PLEKHG1: variants seen among roughly 807,000 people sequenced by gnomAD.
The protein encoded by PLEKHG1 is pleckstrin homology domain-containing family G member 1.
A neutral mutation model predicts 100.8 loss-of-function variants in PLEKHG1; 44 were observed. The observed-to-expected ratio is 0.44, with a 90% CI of 0.34 to 0.56. The LOEUF is 0.56. Among genes scored for constraint, PLEKHG1 ranks in the 20% least tolerant of loss-of-function variants. The pLI is 0.01. For missense variants in PLEKHG1, 1,545 were observed against 1,720.9 expected, an observed-to-expected ratio of 0.90 and a Z score of 1.81; for synonymous variants, 640 against 662.5, an observed-to-expected ratio of 0.97 and a Z score of 0.52.
intron 2 of PLEKHG1, among the ~76,000 whole-genome samples, chr6:150,745,069 G>A (rs1476247474): frequency 6.6e-6 from 1 of 152,196 alleles, no homozygotes; most frequent in Admixed American, 6.5e-5. Flanking sequence ...AATGTGTTCT[G>A]AGAAATGTCA....
intron 1 of PLEKHG1, chr6:150,605,832 T>C (rs533455365): frequency 6.6e-6 from 1 of 152,354 alleles, no homozygotes; most frequent in African/African-American, 2.4e-5. Flanking sequence ...CTACTGTCAA[T>C]AAAATTGGCA....
intron 5 of PLEKHG1, among the ~76,000 whole-genome samples, chr6:150,800,400 G>C (rs776924236): frequency 7.2e-5 from 11 of 152,218 alleles, no homozygotes; most frequent in Non-Finnish European, 1.5e-4. Flanking sequence ...ATTGGGCGCA[G>C]CTAGGGGCTA....
chr6:150,839,873 T>A (rs1466542983), exon 16 of PLEKHG1: 6 of 1,613,698 alleles, frequency 3.7e-6, no homozygotes, highest in Non-Finnish European at 5.1e-6. Context: ...ATGACCAGAT[T>A]GTATTCAGAG....
chr6:150,766,687 A>G (rs1179205385), intron 2 of PLEKHG1, among the ~76,000 whole-genome samples: 2 of 152,240 alleles, frequency 1.3e-5, no homozygotes, highest in African/African-American at 4.8e-5. Flanking sequence ...TGAGCTGGCG[A>G]TGGGCCATCA....
At chr6:150,793,077 G>T (rs879430042) in intron 4 of PLEKHG1, among the ~76,000 whole-genome samples, 18 of 152,292 alleles carry the variant, frequency 1.2e-4, no homozygotes, top group Admixed American at 8.5e-4. Flanking sequence ...TTTGCATGAC[G>T]CTGGAGAACC....
At position 150,804,483 on chromosome 6, in the gene PLEKHG1, C is replaced by T; in HGVS notation, c.781-127C>T. ...TACAGGCATGAGCCACCGCACCCAG[C>T]TGATAGTGTGTAAATAAATAAGCAA... On this transcript the variant is annotated intron_variant, in intron 6 of 15. Transcript: ENST00000358517. 4.0e-6 allele frequency: 3 copies of T among 753,702 alleles called. No homozygotes were observed. The East Asian group carries it at 9.7e-5, about 24-fold the overall frequency. 46.7% of individuals were successfully genotyped at this position (753,702 alleles called of 1,614,324 possible).
intron 2 of PLEKHG1, among the ~76,000 whole-genome samples, chr6:150,754,583 G>A (rs1562489282): frequency 6.6e-6 from 1 of 152,012 alleles, no homozygotes. Flanking sequence ...ATAGGTGGGA[G>A]AGGAGAGGCG....
At chr6:150,753,279 T>C (rs1267197830) in intron 2 of PLEKHG1, among the ~76,000 whole-genome samples, 1 of 152,136 alleles carries the variant, frequency 6.6e-6, no homozygotes, top group Non-Finnish European at 1.5e-5. Context: ...GAATCACCCC[T>C]GAAGGACATT....
intron 3 of PLEKHG1, chr6:150,663,126 A>T (rs1019510939): frequency 1.3e-5 from 2 of 152,170 alleles, no homozygotes; most frequent in African/African-American, 4.8e-5. Context: ...AAGATAGCCA[A>T]GAAAGCTTTT....
At chr6:150,804,536 C>A (rs75044699) in intron 6 of PLEKHG1, 74 bp from the exon 8 acceptor site, 7 of 1,184,220 alleles carry the variant, frequency 5.9e-6, no homozygotes, top group Non-Finnish European at 8.4e-6. Flanking sequence ...CTAATCATAG[C>A]GGTGCCATTT....
upstream of PLEKHG1, chr6:150,721,057 T>G: frequency 1.5e-6 from 1 of 684,596 alleles, no homozygotes; most frequent in Non-Finnish European, 1.8e-6. Context: ...CCTTTGTGTG[T>G]TGGGTTTGGG....
intron 1 of PLEKHG1, among the ~76,000 whole-genome samples, chr6:150,623,724 C>T (rs958210529): frequency 2.6e-5 from 4 of 152,312 alleles, no homozygotes; most frequent in African/African-American, 9.6e-5. Flanking sequence ...TTGCCACTGC[C>T]TCTGTCTTCA....
At chr6:150,751,275 T>G (rs1249530556) in intron 2 of PLEKHG1, among the ~76,000 whole-genome samples, 1 of 590 alleles carries the variant, frequency 1.7e-3, no homozygotes, top group African/African-American at 0.026. Context: ...GAATGAATAC[T>G]TTTTTTTTTT....
At chr6:150,692,870 A>G (rs987233132) in intron 3 of PLEKHG1, among the ~76,000 whole-genome samples, 3 of 152,212 alleles carry the variant, frequency 2.0e-5, no homozygotes, top group African/African-American at 7.2e-5. Flanking sequence ...CTGTGTAGAA[A>G]ACAGTAGAAA....
intron 3 of PLEKHG1, among the ~76,000 whole-genome samples, chr6:150,690,965 A>G (rs908864764): frequency 1.3e-5 from 2 of 152,132 alleles, no homozygotes; most frequent in African/African-American, 2.4e-5. Context: ...CACTTTCCCC[A>G]TAGTCCTCCC....
intron 2 of PLEKHG1, among the ~76,000 whole-genome samples, chr6:150,751,596 C>T (rs368335907): frequency 4.6e-5 from 7 of 152,070 alleles, no homozygotes; most frequent in South Asian, 2.1e-4. Flanking sequence ...GGAGAGGCCC[C>T]GAGCTCTCAC....
intron 15 of PLEKHG1, among the ~76,000 whole-genome samples, chr6:150,833,043 ATTTTT>A (rs57683244): frequency 7.5e-6 from 1 of 133,502 alleles, no homozygotes; most frequent in Admixed American, 7.5e-5. Context: ...TTACTACTCA[ATTTTT>A]TTTTTTTTTT....
chr6:150,651,596 C>T (rs562033993), intron 3 of PLEKHG1, among the ~76,000 whole-genome samples: 3 of 152,240 alleles, frequency 2.0e-5, no homozygotes, highest in African/African-American at 7.2e-5. Flanking sequence ...CAGTGGCTCA[C>T]GCCCCTAATC....
In PLEKHG1 at chr6:150,831,215, A is replaced by T. The variant is rs1436829494; in HGVS notation, c.2104A>T (p.Thr702Ser). Residue 702 changes from threonine to serine, a missense_variant, in exon 15 of 16, where the codon ACA becomes TCA. Physicochemically the swap from Thr to Ser is moderately conservative, Grantham distance 58. Transcript: ENST00000358517. The surrounding 1 kb of genome is among the most constrained non-coding windows in gnomAD (Gnocchi z 4.1). ...CAAGAGCACCCCAGAGTTAGCCTTC[A>T]CAAAGAGGCAAGCTGGCCACAGTAA... 1 of 1,614,048 alleles carries T rather than the reference A, an allele frequency of 6.2e-7. No homozygotes were observed. The highest frequency in any genetic ancestry group is 1.7e-5 in the Admixed American group (1 of 59,998).
Sources: allele counts gnomAD v4.1 joint callset (sites outside exome capture counted in the v4.1 genomes callset), GRCh38; gene constraint gnomAD v4.1.1; non-coding constraint Gnocchi (gnomAD v3.1); transcripts MANE v1.5; gene names NCBI Gene and HGNC (gene_info 2026-07-23, HGNC 2026-07-21).